ABHD2: variants seen among roughly 807,000 people sequenced by gnomAD.
ABHD2 encodes the protein monoacylglycerol lipase ABHD2.
A neutral mutation model predicts 48.1 loss-of-function variants in ABHD2; 20 were observed. The observed-to-expected ratio is 0.42, with a 90% CI of 0.29 to 0.60. ABHD2 has a LOEUF of 0.60. Ranked by LOEUF, ABHD2 falls within the 20% of genes least tolerant of loss-of-function variation. The pLI is 0.24. For synonymous variants in ABHD2, 209 were observed against 214.2 expected (o/e 0.98, Z 0.21); for missense variants, 405 against 550.9 (o/e 0.74, Z 2.65).
chr15:89,178,717 G>A (rs182148357), intron 6 of ABHD2, among the ~76,000 whole-genome samples: 13 of 152,270 alleles, frequency 8.5e-5, no homozygotes, highest in African/African-American at 2.9e-4. Context: ...CCTGGTATCC[G>A]GCAGACTTTA....
chr15:89,194,758 A>G (rs558337094), intron 10 of ABHD2, among the ~76,000 whole-genome samples: 2 of 152,204 alleles, frequency 1.3e-5, no homozygotes, highest in African/African-American at 4.8e-5. Context: ...CCGCATTTTA[A>G]TAAGATATCC....
chr15:89,190,973 T>C, intron 8 of ABHD2, 107 bp from the exon 9 acceptor site: 2 of 1,049,556 alleles, frequency 1.9e-6, no homozygotes, highest in South Asian at 1.4e-5. Context: ...ACTCTACCAA[T>C]GCCACAAGTT....
intron 5 of ABHD2, among the ~76,000 whole-genome samples, chr15:89,170,845 C>T (rs1015498439): frequency 1.3e-5 from 2 of 152,140 alleles, no homozygotes; most frequent in African/African-American, 4.8e-5. Flanking sequence ...AGGCCGGGCG[C>T]GGTGGCTCAC....
chr15:89,071,020 T>G, the ABHD2 span, among the ~76,000 whole-genome samples: 2 of 152,158 alleles, frequency 1.3e-5, no homozygotes, highest in Non-Finnish European at 1.5e-5. Context: ...TATTAAATAC[T>G]CATTGCTCCT....
chr15:89,080,191 G>A, the ABHD2 span, among the ~76,000 whole-genome samples: 17 of 152,326 alleles, frequency 1.1e-4, no homozygotes, highest in Non-Finnish European at 2.4e-4. Context: ...GGGGGCCACT[G>A]TCTCTGCCTG....
intron 5 of ABHD2, among the ~76,000 whole-genome samples, chr15:89,165,148 A>G (rs1161884076): frequency 6.6e-6 from 1 of 152,232 alleles, no homozygotes; most frequent in Admixed American, 6.5e-5. Flanking sequence ...GACAACCTTC[A>G]GTATTGGCCT....
chr15:89,161,415 T>C lies in ABHD2; in HGVS notation c.538+5881T>C, dbSNP rs577829070. On this transcript the variant is annotated intron_variant, in intron 5 of 10. Coordinates refer to ENST00000352732, the MANE Select transcript of ABHD2 (RefSeq NM_152924.5). ...TTTTAATTTAATTAATTTATTTATTTTCTGAGACACTGTCTCACTCTGTTG... is the reference window on the plus strand; with the variant it reads ...TTTTAATTTAATTAATTTATTTATTCTCTGAGACACTGTCTCACTCTGTTG... Among the ~76,000 whole-genome samples the C allele has an allele frequency of 5.1e-4, 78 of 152,294 alleles. 1 individual carries two copies. Among genetic ancestry groups the C allele is most frequent in the African/African-American group, 1.7e-3 (72 of 41,556 alleles).
At position 89,110,836 on chromosome 15, in the gene ABHD2, C is replaced by T. The variant is rs150562331; in HGVS notation, c.-106-2889C>T. Reference sequence around the variant, plus strand: ...TTTGAGGGTTGAGGAAATTAATTCTCTACTGCATTTGCTATTTAAAAAAAG... The same window carrying T: ...TTTGAGGGTTGAGGAAATTAATTCTTTACTGCATTTGCTATTTAAAAAAAG... On this transcript the variant is annotated intron_variant, in intron 1 of 10. Transcript: ENST00000352732. Among the ~76,000 whole-genome samples, 235 of 152,296 alleles carry T rather than the reference C, an allele frequency of 1.5e-3. 2 individuals are homozygous for T. Among genetic ancestry groups the T allele is most frequent in the African/African-American group, 5.5e-3 (228 of 41,570 alleles).
intron 3 of ABHD2, among the ~76,000 whole-genome samples, chr15:89,131,272 A>G (rs1212611974): frequency 6.6e-6 from 1 of 152,028 alleles, no homozygotes; most frequent in Non-Finnish European, 1.5e-5. Context: ...ATTTTCTCAT[A>G]CTGCATGTTC....
At chr15:89,118,939 C>A (rs1452510102) in intron 3 of ABHD2, among the ~76,000 whole-genome samples, 2 of 152,284 alleles carry the variant, frequency 1.3e-5, no homozygotes, top group East Asian at 3.9e-4. Context: ...CTCCCACCCA[C>A]CTCCTCCTAT....
intron 5 of ABHD2, among the ~76,000 whole-genome samples, chr15:89,163,915 G>A (rs1479529619): frequency 6.6e-6 from 1 of 152,212 alleles, no homozygotes; most frequent in Non-Finnish European, 1.5e-5. Flanking sequence ...TCAAACACAG[G>A]CAGTCTCGCA....
At chr15:89,115,961 C>T (rs1452248213) in intron 2 of ABHD2, among the ~76,000 whole-genome samples, 3 of 152,228 alleles carry the variant, frequency 2.0e-5, no homozygotes, top group Non-Finnish European at 4.4e-5. Context: ...CAAAGTGCTA[C>T]CCCTAGTCCT....
At chr15:89,058,679 C>G in the ABHD2 span, among the ~76,000 whole-genome samples, 393 of 152,266 alleles carry the variant, frequency 2.6e-3, 1 homozygote, top group Middle Eastern at 0.01. Flanking sequence ...TGTGACAGGC[C>G]AAGTCCCTTC....
rs186335736 is a variant in ABHD2, at chr15:89,174,758, A to G, written c.539-1054A>G. 1.2e-3 allele frequency among the ~76,000 whole-genome samples: 189 copies of G among 152,310 alleles called. No homozygotes were observed. Among genetic ancestry groups the G allele is most frequent in the Middle Eastern group, 0.01 (3 of 294 alleles). ...ATGTTAGATTTTAAATTGGCTCCCT[A>G]CAGAGTTTGAGGTTGGGCCTTAGAA... On this transcript the variant is annotated intron_variant, in intron 5 of 10. Transcript: ENST00000352732. This position sits in a 1 kb window ranked among gnomAD's most constrained non-coding sequence, Gnocchi z 4.1.
At chr15:89,062,226 G>A in the ABHD2 span, among the ~76,000 whole-genome samples, 6 of 152,148 alleles carry the variant, frequency 3.9e-5, no homozygotes, top group Admixed American at 6.5e-5. Flanking sequence ...AAAGCAGAGT[G>A]TGTGAAGAAG....
chr15:89,191,412 T>C (rs1227408679), intron 9 of ABHD2, among the ~76,000 whole-genome samples: 1 of 152,180 alleles, frequency 6.6e-6, no homozygotes, highest in East Asian at 1.9e-4. Flanking sequence ...ACTTTTTTCT[T>C]AGTCTTCCTT....
At chr15:89,071,499 G>C in the ABHD2 span, among the ~76,000 whole-genome samples, 2 of 152,166 alleles carry the variant, frequency 1.3e-5, no homozygotes, top group African/African-American at 4.8e-5. Flanking sequence ...AGACTGGACA[G>C]GAAAAACGCA....
At chr15:89,129,094 G>A (rs552046315) in intron 3 of ABHD2, among the ~76,000 whole-genome samples, 1 of 152,268 alleles carries the variant, frequency 6.6e-6, no homozygotes, top group African/African-American at 2.4e-5. Context: ...TTTAGCTTGG[G>A]GCTTGTCCAC....
chr15:89,190,714 T>G (rs1254658550), intron 8 of ABHD2, among the ~76,000 whole-genome samples: 2 of 152,164 alleles, frequency 1.3e-5, no homozygotes, highest in Non-Finnish European at 2.9e-5. Context: ...ACAGTTCCAT[T>G]GAGGAAGGCC....
Sources: gnomAD v4.1 joint callset for allele counts (sites outside exome capture counted in the v4.1 genomes callset) on GRCh38, gnomAD v4.1.1 for gene constraint, Gnocchi (gnomAD v3.1) non-coding constraint, MANE v1.5 for transcripts, NCBI Gene and HGNC (gene_info 2026-07-23, HGNC 2026-07-21) for gene names.